Variants in TANGO6 observed in about 807,000 individuals in gnomAD.
TANGO6 encodes transport and Golgi organization protein 6 homolog.
Under a neutral mutation model 114.2 loss-of-function variants are expected in TANGO6, and 90 were observed. The observed-to-expected ratio is 0.79, with a 90% CI of 0.66 to 0.94. The LOEUF is 0.94. Ranked by LOEUF, TANGO6 falls within the 40% of genes least tolerant of loss-of-function variation. TANGO6 has a pLI of 0.00. For synonymous variants in TANGO6, 477 were observed against 509.8 expected (o/e 0.94, Z 0.87); for missense variants, 1,274 against 1,315.3 (o/e 0.97, Z 0.49).
chr16:68,853,989 T>C (rs1030267704), intron 1 of TANGO6, among the ~76,000 whole-genome samples: 2 of 152,238 alleles, frequency 1.3e-5, no homozygotes, highest in Non-Finnish European at 2.9e-5. Flanking sequence ...TATTGAGCTA[T>C]AAACTGTTTT....
intron 7 of TANGO6, among the ~76,000 whole-genome samples, chr16:68,892,846 A>G (rs750492187): frequency 2.0e-5 from 3 of 152,058 alleles, no homozygotes; most frequent in Non-Finnish European, 4.4e-5. Flanking sequence ...GCATCCTTTC[A>G]CTTAACCCCA....
intron 1 of TANGO6, among the ~76,000 whole-genome samples, chr16:68,848,342 A>T (rs1961848530): frequency 6.6e-6 from 1 of 152,160 alleles, no homozygotes; most frequent in African/African-American, 2.4e-5. Flanking sequence ...AAGATTTTTT[A>T]AATATAGAGA....
Position 68,882,178 on chromosome 16 carries a change from G to A in TANGO6, c.1377+1548G>A, listed in dbSNP as rs114361636. ...TATGGGCCCAGCAATTCCACTACTA[G>A]GTATATACCCAAGAGAAATGAAAAC... On this transcript the variant is annotated intron_variant, in intron 7 of 17. Transcript: ENST00000261778. Among the ~76,000 whole-genome samples, 1,353 of 151,974 alleles carry A rather than the reference G, an allele frequency of 8.9e-3. 18 individuals are homozygous for A. The highest frequency in any genetic ancestry group is 0.031 in the African/African-American group (1,279 of 41,460).
intron 16 of TANGO6, among the ~76,000 whole-genome samples, chr16:69,029,158 T>C (rs1382094800): frequency 6.6e-6 from 1 of 152,188 alleles, no homozygotes. Flanking sequence ...ATTAGAAAGA[T>C]TGAGCTAAAG....
At chr16:69,069,592 C>G (rs936212417) in intron 17 of TANGO6, among the ~76,000 whole-genome samples, 1 of 152,134 alleles carries the variant, frequency 6.6e-6, no homozygotes, top group Non-Finnish European at 1.5e-5. Flanking sequence ...CACCTCTTTC[C>G]CCTGTCTTCA....
chr16:68,886,481 T>C (rs1962540535), intron 7 of TANGO6, among the ~76,000 whole-genome samples: 3 of 151,872 alleles, frequency 2.0e-5, no homozygotes. Flanking sequence ...TCCAGAGAAA[T>C]CCTCCTCACC....
At chr16:68,904,118 G>GT (rs1391316708) in intron 9 of TANGO6, among the ~76,000 whole-genome samples, 1 of 151,942 alleles carries the variant, frequency 6.6e-6, no homozygotes, top group African/African-American at 2.4e-5. Flanking sequence ...GTTTTGTTTT[G>GT]TTTTTTGGTG....
chr16:68,918,590 G>A (rs1171865054), intron 11 of TANGO6, among the ~76,000 whole-genome samples: 1 of 152,216 alleles, frequency 6.6e-6, no homozygotes, highest in African/African-American at 2.4e-5. Flanking sequence ...AGTTGGAGTA[G>A]CATATTAAAA....
chr16:69,012,576 A>AAG (rs1964152820), intron 15 of TANGO6, among the ~76,000 whole-genome samples: 1 of 143,534 alleles, frequency 7.0e-6, no homozygotes, highest in Non-Finnish European at 1.5e-5. Context: ...AAAAAAAAAA[A>AAG]AAGGAAAAAA....
At chr16:69,068,455 G>A (rs1960250260) in intron 17 of TANGO6, among the ~76,000 whole-genome samples, 1 of 152,202 alleles carries the variant, frequency 6.6e-6, no homozygotes, top group African/African-American at 2.4e-5. Context: ...TGATAATTGT[G>A]TTGTGGGGAT....
chr16:69,054,130 G>GAA (rs1285487778), intron 17 of TANGO6, among the ~76,000 whole-genome samples: 2 of 152,192 alleles, frequency 1.3e-5, no homozygotes, highest in Non-Finnish European at 1.5e-5. Context: ...GGTTCCGGAA[G>GAA]ATGAGTGGAA....
At chr16:68,922,554 T>G (rs1963109013) in intron 12 of TANGO6, among the ~76,000 whole-genome samples, 1 of 149,672 alleles carries the variant, frequency 6.7e-6, no homozygotes, top group African/African-American at 2.5e-5. Context: ...AAACAAAAAT[T>G]TATAATTAAA....
rs1333228048 is a variant in TANGO6 at position 68,867,110 on chromosome 16, G to T, written c.884G>T (p.Cys295Phe). The change falls in exon 4 of 18, where the codon TGT (cysteine) becomes TTT (phenylalanine). Residue 295 changes from cysteine (C) to phenylalanine (F), a missense_variant. Cys to Phe is a radical substitution (Grantham distance 205, BLOSUM62 -2). This residue lies in a region of TANGO6 where 908 missense variants were observed against 910.2 expected (regional missense o/e 1.00). Transcript: ENST00000261778. ...SCTDVKTQMR[C>F]RAPAWLRRLC... is the part of the protein sequence containing the mutation. ...ACAGATGTGAAGACACAGATGAGGT[G>T]TCGGGCCCCAGCTTGGCTTCGGCGT... is the stretch of plus-strand genomic sequence containing the variant. 1 of 1,612,784 alleles carries T rather than the reference G, an allele frequency of 6.2e-7. No individual in the cohort carries two copies. Among genetic ancestry groups the T allele is most frequent in the African/African-American group, 1.3e-5 (1 of 74,734 alleles).
chr16:68,946,374 T>A (rs889602721), intron 14 of TANGO6, among the ~76,000 whole-genome samples: 2 of 151,992 alleles, frequency 1.3e-5, no homozygotes, highest in African/African-American at 2.4e-5. Context: ...TTGTATTTTT[T>A]AAGTAGAGAC....
intron 1 of TANGO6, among the ~76,000 whole-genome samples, chr16:68,849,017 T>C (rs894564127): frequency 1.5e-4 from 23 of 152,258 alleles, no homozygotes; most frequent in Admixed American, 1.5e-3. Context: ...GCAACCGCAA[T>C]GCGGACACAG....
intron 4 of TANGO6, among the ~76,000 whole-genome samples, chr16:68,873,485 T>C (rs1259217468): frequency 6.6e-6 from 1 of 151,990 alleles, no homozygotes; most frequent in Non-Finnish European, 1.5e-5. Context: ...GGCTAATTTT[T>C]GTATTTTTAG....
At chr16:69,024,827 A>G (rs1209197306) in intron 16 of TANGO6, among the ~76,000 whole-genome samples, 1 of 151,924 alleles carries the variant, frequency 6.6e-6, no homozygotes, top group African/African-American at 2.4e-5. Context: ...TTTTATTCAA[A>G]TGGAGTCTCT....
chr16:69,024,280 T>A lies in TANGO6; in HGVS notation c.2994+1301T>A, dbSNP rs183433016. 3.3e-5 allele frequency among the ~76,000 whole-genome samples: 5 copies of A among 151,320 alleles called. No individual in the cohort carries two copies. The East Asian group carries it at 9.8e-4, about 30-fold the overall frequency. On this transcript the variant is annotated intron_variant, in intron 16 of 17. Transcript: ENST00000261778. ...TCTTTCTCTAGCCCCCTTTTTTTTT[T>A]TTTTGAGACAGAGTCTCGCTCTGTA... is the stretch of plus-strand genomic sequence containing the variant.
chr16:69,029,905 C>T (rs1037271151), intron 16 of TANGO6, among the ~76,000 whole-genome samples: 2 of 151,416 alleles, frequency 1.3e-5, no homozygotes, highest in Non-Finnish European at 2.9e-5. Context: ...GTCAGGAGTT[C>T]GAGACCAGCC....
Sources: gnomAD v4.1 joint callset for allele counts (sites outside exome capture counted in the v4.1 genomes callset) on GRCh38, gnomAD v4.1.1 for gene constraint, gnomAD v4.1.1 regional missense constraint, MANE v1.5 for transcripts, NCBI Gene and HGNC (gene_info 2026-07-23, HGNC 2026-07-21) for gene names.